The following LRP1-AS variants were observed in gnomAD, a reference collection of about 807,000 sequenced individuals.
The protein encoded by LRP1-AS is LRP1 antisense RNA.
exon 2 of LRP1-AS, chr12:57,144,868 C>T (rs2136662474): frequency 8.5e-7 from 1 of 1,172,752 alleles, no homozygotes; most frequent in East Asian, 2.4e-5. Context: ...AACTGTCCTT[C>T]AAGGTAGCTG....
rs1200489973 is a variant in LRP1-AS, at chr12:57,145,165, G to C, written n.182-82C>G. The C allele has an allele frequency of 2.5e-6, 4 of 1,613,140 alleles. No homozygotes were observed. The African/African-American group carries it at 5.3e-5, about 22-fold the overall frequency. On this transcript the variant is annotated intron_variant and non_coding_transcript_variant, in intron 1 of 1. Coordinates refer to ENST00000555461, the Ensembl canonical transcript of LRP1-AS. The stretch of plus-strand genomic sequence containing the variant: ...CCCTCAATGCTGTTCCCTGGTGGGT[G>C]GTGGCCTGAGAGGTGGTCCTAGAGC...
rs767257881 is a variant in LRP1-AS at position 57,144,856 on chromosome 12, C to T, written n.409G>A. On this transcript the variant is annotated non_coding_transcript_exon_variant, in exon 2 of 2. Transcript: ENST00000555461. ...CATTTCATGCTGTAATAGATTCTGC[C>T]GAACTGTCCTTCAAGGTAGCTGTAA... The T allele has an allele frequency of 1.1e-4, 111 of 1,047,742 alleles. 1 individual carries two copies. The highest frequency in any genetic ancestry group is 2.8e-4 in the Middle Eastern group (1 of 3,608). 64.9% of individuals were successfully genotyped at this position (1,047,742 alleles called of 1,614,324 possible).
At chr12:57,145,050 T>C in exon 2 of LRP1-AS, 2 of 1,614,092 alleles carry the variant, frequency 1.2e-6, no homozygotes, top group African/African-American at 2.7e-5. Context: ...TGTGGCTGTG[T>C]TGAAGGATAC....
chr12:57,146,875 G>T (rs544328449), intron 1 of LRP1-AS, among the ~76,000 whole-genome samples: 14 of 152,122 alleles, frequency 9.2e-5, no homozygotes, highest in Non-Finnish European at 2.1e-4. Context: ...CCCTCCCCCT[G>T]TTCCTTGTCC....
chr12:57,145,609 G>C lies in LRP1-AS; in HGVS notation n.182-526C>G, dbSNP rs1011752890. Reference sequence around the variant, plus strand: ...GATGGTCCTGTCTGGGGCAGGAGAAGCAGGAGGCTGGATACAATGGTGTGT... The same window carrying C: ...GATGGTCCTGTCTGGGGCAGGAGAACCAGGAGGCTGGATACAATGGTGTGT... On this transcript the variant is annotated intron_variant and non_coding_transcript_variant, in intron 1 of 1. Transcript: ENST00000555461. The C allele has an allele frequency of 2.0e-5, 26 of 1,300,790 alleles. 1 individual carries two copies. Among genetic ancestry groups the C allele is most frequent in the Admixed American group, 5.6e-5 (3 of 53,196 alleles). 80.6% of individuals were successfully genotyped at this position (1,300,790 alleles called of 1,614,324 possible).
chr12:57,144,847 A>G (rs1040405340), exon 2 of LRP1-AS: 4 of 949,440 alleles, frequency 4.2e-6, no homozygotes, highest in Non-Finnish European at 6.6e-6. Context: ...ATGCTGTAAT[A>G]GATTCTGCCG....
exon 2 of LRP1-AS, chr12:57,144,893 TTGATCATGTCTGA>T: frequency 7.2e-7 from 1 of 1,383,418 alleles, no homozygotes; most frequent in Non-Finnish European, 1.0e-6. Context: ...GATGGACATG[TTGATCATGTCTGA>T]TGATCACCCA....
In LRP1-AS at chr12:57,144,818, G is replaced by A. The variant is rs2035366384; in HGVS notation, n.447C>T. On this transcript the variant is annotated non_coding_transcript_exon_variant, in exon 2 of 2. Coordinates refer to ENST00000555461, the Ensembl canonical transcript of LRP1-AS. ...GATTCCAAGACTGGACTTGCTGGGT[G>A]TTAAGGTTTGCACATTTCATGCTGT... 6 of 735,306 alleles carry A rather than the reference G, an allele frequency of 8.2e-6. No individual in the cohort carries two copies. In the East Asian group the frequency reaches 1.3e-4, roughly 15 times the overall value. 45.5% of individuals were successfully genotyped at this position (735,306 alleles called of 1,614,324 possible). A position where few individuals can be genotyped will look rare whatever the true frequency, so the allele number is the denominator to read the frequency against.
chr12:57,145,505 C>G (rs891948403), intron 1 of LRP1-AS: 2 of 1,610,514 alleles, frequency 1.2e-6, no homozygotes, highest in South Asian at 1.1e-5. Flanking sequence ...GTCACCTGCT[C>G]TCAGCTTGGA....
At chr12:57,144,842 G>A (rs759160951) in exon 2 of LRP1-AS, 16 of 910,502 alleles carry the variant, frequency 1.8e-5, no homozygotes, top group South Asian at 3.0e-5. Context: ...ATTTCATGCT[G>A]TAATAGATTC....
intron 1 of LRP1-AS, among the ~76,000 whole-genome samples, chr12:57,147,175 G>GA (rs2035427954): frequency 6.6e-6 from 1 of 151,514 alleles, no homozygotes; most frequent in Non-Finnish European, 1.5e-5. Context: ...ATGCTTGTGG[G>GA]GTAAATGAGT....
chr12:57,145,984 A>G (rs1305779427), intron 1 of LRP1-AS, among the ~76,000 whole-genome samples: 1 of 152,124 alleles, frequency 6.6e-6, no homozygotes, highest in African/African-American at 2.4e-5. Context: ...GGAGGGCAGT[A>G]CTGAGGTTAT....
chr12:57,146,478 C>T (rs2035408762), intron 1 of LRP1-AS: 1 of 152,188 alleles, frequency 6.6e-6, no homozygotes, highest in African/African-American at 2.4e-5. Context: ...GATTGTGAAC[C>T]TTGGGCCTCT....
chr12:57,144,686 T>C (rs1013470016), exon 2 of LRP1-AS: 23 of 448,402 alleles, frequency 5.1e-5, no homozygotes, highest in Non-Finnish European at 8.9e-5. Context: ...AATGTGGGTC[T>C]ATTTTAAAGT....
At chr12:57,146,232 A>G (rs924380586) in intron 1 of LRP1-AS, among the ~76,000 whole-genome samples, 1 of 152,108 alleles carries the variant, frequency 6.6e-6, no homozygotes, top group African/African-American at 2.4e-5. Context: ...AAAAGTCAAC[A>G]TCTGGCAGCA....
chr12:57,145,813 G>A (rs1232581750), intron 1 of LRP1-AS, among the ~76,000 whole-genome samples: 2 of 152,090 alleles, frequency 1.3e-5, no homozygotes, highest in South Asian at 2.1e-4. Context: ...GGGACTTTCC[G>A]GTGCAGTGGG....
chr12:57,145,193 T>G, intron 1 of LRP1-AS: 2 of 1,613,788 alleles, frequency 1.2e-6, no homozygotes, highest in Non-Finnish European at 1.7e-6. Flanking sequence ...CCTAGAGCCC[T>G]GGCTGCACGG....
chr12:57,146,897 C>T (rs904525784), intron 1 of LRP1-AS, among the ~76,000 whole-genome samples: 6 of 151,588 alleles, frequency 4.0e-5, no homozygotes, highest in South Asian at 4.2e-4. Context: ...CTGACCTACT[C>T]AACAGGCCTG....
chr12:57,146,438 T>A (rs969022808), intron 1 of LRP1-AS: 1 of 152,186 alleles, frequency 6.6e-6, no homozygotes, highest in Non-Finnish European at 1.5e-5. Flanking sequence ...TGAAAGCCAG[T>A]GGTAAAGGAC....
Sources: allele counts gnomAD v4.1 joint callset (sites outside exome capture counted in the v4.1 genomes callset), GRCh38; gene constraint gnomAD v4.1.1; transcripts MANE v1.5; gene names NCBI Gene and HGNC (gene_info 2026-07-23, HGNC 2026-07-21).